The following CAPN2 variants were observed in gnomAD, a reference collection of about 807,000 sequenced individuals.
CAPN2 encodes calpain 2.
In CAPN2, 92 loss-of-function variants were observed where a neutral mutation model predicts 102.3. That is an observed-to-expected ratio of 0.90 (90% CI 0.76 to 1.07). The LOEUF is 1.07. CAPN2 is among the 50% of genes least tolerant of loss of function. CAPN2 has a pLI of 0.00. For synonymous variants in CAPN2, 340 were observed against 355.4 expected, an observed-to-expected ratio of 0.96 and a Z score of 0.49; for missense variants, 800 against 909.4, an observed-to-expected ratio of 0.88 and a Z score of 1.55.
chr1:223,751,348 G>C (rs1451823440), intron 7 of CAPN2, among the ~76,000 whole-genome samples: 1 of 152,218 alleles, frequency 6.6e-6, no homozygotes, highest in Non-Finnish European at 1.5e-5. Flanking sequence ...CCAAAGGCCA[G>C]AGAAACATCC....
At chr1:223,766,540 C>G in intron 16 of CAPN2, 109 bp downstream of exon 16, 1 of 876,180 alleles carries the variant, frequency 1.1e-6, no homozygotes, top group Non-Finnish European at 1.9e-6. Context: ...CAGTTGTTCC[C>G]AACTTGCTGA....
intron 16 of CAPN2, among the ~76,000 whole-genome samples, chr1:223,767,588 G>A (rs1266959477): frequency 4.0e-5 from 6 of 151,334 alleles, no homozygotes; most frequent in East Asian, 3.9e-4. Context: ...CCAGTCTATC[G>A]TTGTTGGACA....
intron 8 of CAPN2, 43 bp from the exon 9 acceptor site, chr1:223,752,753 G>A (rs1660934099): frequency 1.2e-6 from 2 of 1,605,180 alleles, no homozygotes; most frequent in East Asian, 2.2e-5. Flanking sequence ...GCTTACCAGT[G>A]TGTCTTCTTA....
At chr1:223,748,009 C>G (rs377531420) in intron 5 of CAPN2, among the ~76,000 whole-genome samples, 4 of 151,982 alleles carry the variant, frequency 2.6e-5, no homozygotes, top group African/African-American at 9.7e-5. Context: ...TTAGCCTGCT[C>G]TGAATCACCC....
chr1:223,719,363 C>A (rs1659966576), intron 2 of CAPN2, among the ~76,000 whole-genome samples: 1 of 152,060 alleles, frequency 6.6e-6, no homozygotes, highest in Non-Finnish European at 1.5e-5. Context: ...ATGGTCAAAC[C>A]CTGTCTCTAC....
chr1:223,756,183 T>G lies in CAPN2; in HGVS notation c.1305+534T>G, dbSNP rs998072388. On this transcript the variant is annotated intron_variant, in intron 10 of 20. Transcript: ENST00000295006. The surrounding 1 kb of genome is among the most constrained non-coding windows in gnomAD (Gnocchi z 4.1). ...TGCTGTATGCGTGTTTTCCTTTCAC[T>G]CTGAGCCACAGCCAGAGGGCAGCCG... 1.4e-4 allele frequency among the ~76,000 whole-genome samples: 21 copies of G among 152,122 alleles called. No individual in the cohort carries two copies. Among genetic ancestry groups the G allele is most frequent in the African/African-American group, 5.1e-4 (21 of 41,416 alleles).
rs768359571 is a variant in CAPN2 at position 223,761,573 on chromosome 1, A to T, written c.1530-8A>T. 6 of 1,610,942 alleles carry T rather than the reference A, an allele frequency of 3.7e-6. No homozygotes were observed. In the South Asian group the frequency reaches 5.5e-5, roughly 15 times the overall value. On this transcript the variant is annotated splice_region_variant and splice_polypyrimidine_tract_variant and intron_variant, in intron 12 of 20. Transcript: ENST00000295006. ...TTCCAGTAACACATAATTTCCTTCTATTTCCAGAGCTGTCGATGATGAAAT... is the reference window on the plus strand; with the variant it reads ...TTCCAGTAACACATAATTTCCTTCTTTTTCCAGAGCTGTCGATGATGAAAT...
chr1:223,761,183 G>T (rs1200573747), intron 12 of CAPN2, among the ~76,000 whole-genome samples: 3 of 152,230 alleles, frequency 2.0e-5, no homozygotes, highest in Non-Finnish European at 4.4e-5. Context: ...ATTCCTTAAG[G>T]CTAGGACGAA....
intron 20 of CAPN2, 96 bp downstream of exon 20, chr1:223,772,335 T>G: frequency 9.4e-7 from 1 of 1,063,472 alleles, no homozygotes; most frequent in Non-Finnish European, 1.4e-6. Flanking sequence ...CAAGTTTTGC[T>G]TTAAAGAGCT....
At chr1:223,767,709 A>G (rs1421275010) in intron 16 of CAPN2, among the ~76,000 whole-genome samples, 1 of 141,162 alleles carries the variant, frequency 7.1e-6, no homozygotes, top group African/African-American at 2.5e-5. Context: ...ATACCCAGTA[A>G]TGGGATGGCT....
intron 2 of CAPN2, among the ~76,000 whole-genome samples, chr1:223,720,095 G>T (rs550065528): frequency 9.9e-5 from 15 of 152,102 alleles, no homozygotes; most frequent in African/African-American, 3.6e-4. Flanking sequence ...TTGGTAGTCC[G>T]AAGACTGGGC....
intron 9 of CAPN2, among the ~76,000 whole-genome samples, chr1:223,753,366 G>A (rs1246891054): frequency 6.6e-6 from 1 of 152,192 alleles, no homozygotes; most frequent in African/African-American, 2.4e-5. Context: ...ACCTTGTCCC[G>A]GCACCCAGGG....
At chr1:223,736,598 G>T (rs1660461965) in intron 2 of CAPN2, among the ~76,000 whole-genome samples, 1 of 152,102 alleles carries the variant, frequency 6.6e-6, no homozygotes, top group Admixed American at 6.5e-5. Context: ...ACAGTGCTGG[G>T]TCCAGACTCC....
At chr1:223,710,231 G>A (rs891430339), upstream of CAPN2, among the ~76,000 whole-genome samples, 57 of 152,086 alleles carry the variant, frequency 3.7e-4, no homozygotes, top group African/African-American at 1.2e-3. Context: ...AGCTGAGATC[G>A]TCAAGATCCT....
At chr1:223,751,761 C>T (rs1315245291) in intron 7 of CAPN2, among the ~76,000 whole-genome samples, 1 of 152,228 alleles carries the variant, frequency 6.6e-6, no homozygotes, top group Non-Finnish European at 1.5e-5. Flanking sequence ...CCACTGTCTT[C>T]CAGCACAACT....
chr1:223,759,429 A>G lies in CAPN2; in HGVS notation c.1477A>G (p.Lys493Glu), dbSNP rs1204037470. The change falls in exon 12 of 21, where the codon AAG becomes GAG. Residue 493 changes from lysine (K) to glutamate (E), a missense_variant. Lys to Glu is a moderately conservative substitution (Grantham distance 56). Coordinates refer to ENST00000295006, the MANE Select transcript of CAPN2 (RefSeq NM_001748.5). The surrounding 1 kb of genome is among the most constrained non-coding windows in gnomAD (Gnocchi z 4.6). Reference protein sequence around the residue: ...ILVPSTFEPNKDGDFCIRVFS... With the variant: ...ILVPSTFEPNEDGDFCIRVFS... ...CGTGCCTTCCACCTTCGAACCCAAC[A>G]AGGATGGGGATTTCTGCATCCGGGT... 10 of 1,613,976 alleles carry G rather than the reference A, an allele frequency of 6.2e-6. No homozygotes were observed. In the Admixed American group the frequency reaches 1.7e-4, roughly 27 times the overall value.
Position 223,756,971 on chromosome 1 carries a change from C to G in CAPN2, c.1306-398C>G, listed in dbSNP as rs963611677. The stretch of plus-strand genomic sequence containing the variant: ...GGGACTTGCTCAAGGAAATGCAGAC[C>G]GGACCACTGGACCTGGCTGACAGAG... On this transcript the variant is annotated intron_variant, in intron 10 of 20. Transcript: ENST00000295006. The surrounding 1 kb of genome is among the most constrained non-coding windows in gnomAD (Gnocchi z 4.1). Among the ~76,000 whole-genome samples, 1 of 152,156 alleles carries G rather than the reference C, an allele frequency of 6.6e-6. No homozygotes were observed. Among genetic ancestry groups the G allele is most frequent in the African/African-American group, 2.4e-5 (1 of 41,428 alleles).
intron 2 of CAPN2, among the ~76,000 whole-genome samples, chr1:223,739,472 C>G (rs1286129699): frequency 6.6e-6 from 1 of 152,162 alleles, no homozygotes; most frequent in Admixed American, 6.5e-5. Context: ...GTGTGAGTCA[C>G]CATGCCTGGC....
At chr1:223,738,216 G>A (rs1165581881) in intron 2 of CAPN2, among the ~76,000 whole-genome samples, 1 of 151,884 alleles carries the variant, frequency 6.6e-6, no homozygotes, top group Non-Finnish European at 1.5e-5. Flanking sequence ...GGAGTACAGT[G>A]GTACAATCAT....
Sources: gnomAD v4.1 joint callset for allele counts (sites outside exome capture counted in the v4.1 genomes callset) on GRCh38, gnomAD v4.1.1 for gene constraint, Gnocchi (gnomAD v3.1) non-coding constraint, MANE v1.5 for transcripts, NCBI Gene and HGNC (gene_info 2026-07-23, HGNC 2026-07-21) for gene names.